PLXDC2: variants seen among roughly 807,000 people sequenced by gnomAD.
PLXDC2 encodes the protein plexin domain containing 2, also known as plexin domain-containing protein 2.
PLXDC2 carries 40 observed loss-of-function variants against 68.9 expected under a neutral mutation model. That is an observed-to-expected ratio of 0.58 (90% confidence interval 0.45 to 0.76). PLXDC2 has a LOEUF of 0.76. Among genes scored for constraint, PLXDC2 ranks in the 30% least tolerant of loss-of-function variants. The pLI is 0.00. For synonymous variants in PLXDC2, 243 were observed against 234.2 expected, an observed-to-expected ratio of 1.04 and a Z score of -0.34; for missense variants, 644 against 661.9, an observed-to-expected ratio of 0.97 and a Z score of 0.30.
chr10:19,924,061 A>G (rs1318490895), intron 1 of PLXDC2, among the ~76,000 whole-genome samples: 2 of 152,168 alleles, frequency 1.3e-5, no homozygotes, highest in Non-Finnish European at 2.9e-5. Context: ...GTGTCTGTAC[A>G]GTTCCCGGAA....
chr10:19,824,095 C>T (rs1234069237), intron 1 of PLXDC2, among the ~76,000 whole-genome samples: 1 of 152,108 alleles, frequency 6.6e-6, no homozygotes, highest in Admixed American at 6.5e-5. Context: ...ACGGTGTCTG[C>T]TCCCCAAGAT....
chr10:20,059,798 G>A (rs971527751), intron 3 of PLXDC2, among the ~76,000 whole-genome samples: 2 of 151,990 alleles, frequency 1.3e-5, no homozygotes, highest in East Asian at 3.9e-4. Flanking sequence ...AATTCTACAT[G>A]GTAAAAGCAT....
At chr10:20,262,931 C>CAG (rs1835827618) in intron 13 of PLXDC2, among the ~76,000 whole-genome samples, 1 of 152,222 alleles carries the variant, frequency 6.6e-6, no homozygotes, top group Admixed American at 6.5e-5. Flanking sequence ...ACTCCCTGGA[C>CAG]AGAGCCTCCA....
At chr10:19,870,779 G>A (rs1589511077) in intron 1 of PLXDC2, among the ~76,000 whole-genome samples, 2 of 152,234 alleles carry the variant, frequency 1.3e-5, no homozygotes, top group South Asian at 2.1e-4. Flanking sequence ...TTGTTTCTAT[G>A]TAACACCTGT....
At chr10:20,163,584 C>T (rs1278755462) in intron 6 of PLXDC2, among the ~76,000 whole-genome samples, 5 of 152,108 alleles carry the variant, frequency 3.3e-5, no homozygotes, top group South Asian at 2.1e-4. Context: ...AAGACGTTTT[C>T]GGTGCATTTA....
intron 1 of PLXDC2, among the ~76,000 whole-genome samples, chr10:19,905,252 G>A (rs1833135331): frequency 3.3e-5 from 5 of 152,182 alleles, no homozygotes. Context: ...CATAGCCATA[G>A]CCATGAATCC....
intron 1 of PLXDC2, among the ~76,000 whole-genome samples, chr10:19,841,801 A>G (rs1347508479): frequency 2.0e-5 from 3 of 152,168 alleles, no homozygotes; most frequent in Admixed American, 6.5e-5. Context: ...TTGCTCATTT[A>G]TATCTAATGT....
chr10:19,886,331 T>C (rs1051137168), intron 1 of PLXDC2, among the ~76,000 whole-genome samples: 4 of 152,172 alleles, frequency 2.6e-5, no homozygotes, highest in East Asian at 3.8e-4. Flanking sequence ...CTTTTCCTGA[T>C]TGAATACCCT....
At chr10:20,245,949 A>T (rs1224094781) in intron 13 of PLXDC2, among the ~76,000 whole-genome samples, 1 of 152,226 alleles carries the variant, frequency 6.6e-6, no homozygotes, top group Non-Finnish European at 1.5e-5. Flanking sequence ...CAAAATGCTC[A>T]CAAACCGTTT....
rs552950916 is a variant in PLXDC2, at chr10:19,988,776, C to CTTT, written c.113-12964_113-12962dup. On this transcript the variant is annotated intron_variant, in intron 1 of 13. Coordinates refer to ENST00000377252, the MANE Select transcript of PLXDC2 (RefSeq NM_032812.9). Reference sequence around the variant, plus strand: ...AGTTAGGGTTAAGTTAATAATGCCACTTTTTTTTTTTTTTTTTTTTTTTTT... The same window carrying CTTT: ...AGTTAGGGTTAAGTTAATAATGCCACTTTTTTTTTTTTTTTTTTTTTTTTTTTT... Among the ~76,000 whole-genome samples, 22 of 45,490 alleles carry CTTT rather than the reference C, an allele frequency of 4.8e-4. 2 individuals carry two copies. Among genetic ancestry groups the CTTT allele is most frequent in the Non-Finnish European group, 6.5e-4 (17 of 26,110 alleles). 29.8% of individuals were successfully genotyped at this position (45,490 alleles called of 152,430 possible).
intron 13 of PLXDC2, among the ~76,000 whole-genome samples, chr10:20,266,644 C>A (rs185466216): frequency 3.9e-5 from 6 of 152,162 alleles, no homozygotes; most frequent in African/African-American, 1.4e-4. Context: ...ATTTAGAATT[C>A]TTTTTCATTT....
At chr10:19,915,531 G>A (rs1833350059) in intron 1 of PLXDC2, among the ~76,000 whole-genome samples, 1 of 152,136 alleles carries the variant, frequency 6.6e-6, no homozygotes, top group Non-Finnish European at 1.5e-5. Context: ...AATGAGTAGT[G>A]TATTTTACCC....
At chr10:19,967,751 G>T (rs1404491588) in intron 1 of PLXDC2, among the ~76,000 whole-genome samples, 1 of 152,094 alleles carries the variant, frequency 6.6e-6, no homozygotes, top group East Asian at 1.9e-4. Flanking sequence ...TTAAAGCAGA[G>T]AAAACAGTAA....
At chr10:20,276,190 C>G (rs1356743764) in intron 13 of PLXDC2, among the ~76,000 whole-genome samples, 1 of 152,058 alleles carries the variant, frequency 6.6e-6, no homozygotes, top group Non-Finnish European at 1.5e-5. Flanking sequence ...AAAATCAGTC[C>G]CTTTTCTTTC....
intron 1 of PLXDC2, among the ~76,000 whole-genome samples, chr10:19,936,887 G>A (rs889595793): frequency 6.6e-6 from 1 of 152,174 alleles, no homozygotes; most frequent in Non-Finnish European, 1.5e-5. Flanking sequence ...GAACTGCTTA[G>A]CAAGATGGCT....
At chr10:20,201,306 C>T (rs752467727) in intron 9 of PLXDC2, among the ~76,000 whole-genome samples, 16 of 152,098 alleles carry the variant, frequency 1.1e-4, no homozygotes, top group South Asian at 6.2e-4. Context: ...TTTAATGCTA[C>T]ACATTCTCAT....
At chr10:20,274,949 T>G (rs1588556515) in intron 13 of PLXDC2, among the ~76,000 whole-genome samples, 1 of 152,152 alleles carries the variant, frequency 6.6e-6, no homozygotes, top group Non-Finnish European at 1.5e-5. Flanking sequence ...AAATCCAAAT[T>G]TTATGGGTGT....
chr10:20,219,183 CG>C, intron 12 of PLXDC2, 81 bp downstream of exon 12: 1 of 1,398,174 alleles, frequency 7.2e-7, no homozygotes, highest in Non-Finnish European at 9.7e-7. Context: ...AAAGGCAATA[CG>C]GGCTTCTAGA....
At chr10:20,260,151 G>T (rs1166640886) in intron 13 of PLXDC2, among the ~76,000 whole-genome samples, 1 of 152,034 alleles carries the variant, frequency 6.6e-6, no homozygotes, top group Non-Finnish European at 1.5e-5. Flanking sequence ...CTATAGTCAG[G>T]GAATTTATCC....
Sources: gnomAD v4.1 joint callset for allele counts (sites outside exome capture counted in the v4.1 genomes callset) on GRCh38, gnomAD v4.1.1 for gene constraint, MANE v1.5 for transcripts, NCBI Gene and HGNC (gene_info 2026-07-23, HGNC 2026-07-21) for gene names.